PTPRD: variants seen among roughly 807,000 people sequenced by gnomAD.
The protein encoded by PTPRD is receptor-type tyrosine-protein phosphatase delta.
A neutral mutation model predicts 214.5 loss-of-function variants in PTPRD; 34 were observed. That is an observed-to-expected ratio of 0.16 (90% confidence interval 0.12 to 0.21). The LOEUF (loss-of-function observed/expected upper bound fraction) is 0.21, where lower values mean the gene tolerates loss of function less well. PTPRD is among the 10% of genes least tolerant of loss of function. PTPRD has a pLI of 1.00. For synonymous variants in PTPRD, 1,128 were observed against 845.7 expected (o/e 1.33, Z -5.79); for missense variants, 2,545 against 2,398.7 (o/e 1.06, Z -1.27).
intron 3 of PTPRD, among the ~76,000 whole-genome samples, chr9:10,075,059 T>A (rs1009446307): frequency 6.6e-6 from 1 of 152,130 alleles, no homozygotes; most frequent in Non-Finnish European, 1.5e-5. Context: ...GTGGATTTCA[T>A]GGAGTAATAA....
intron 35 of PTPRD, among the ~76,000 whole-genome samples, chr9:8,435,362 G>A (rs1018843626): frequency 5.9e-5 from 9 of 152,072 alleles, no homozygotes; most frequent in Admixed American, 1.3e-4. Flanking sequence ...TAGAATGTTA[G>A]CGCTGGTAGG....
intron 30 of PTPRD, among the ~76,000 whole-genome samples, chr9:8,481,108 C>T (rs917227284): frequency 1.4e-5 from 2 of 142,068 alleles, no homozygotes; most frequent in Non-Finnish European, 3.0e-5. Context: ...CCACTGCACG[C>T]CGGCCTGGGC....
At chr9:10,357,454 TA>T (rs1337852289) in intron 2 of PTPRD, among the ~76,000 whole-genome samples, 2 of 152,230 alleles carry the variant, frequency 1.3e-5, no homozygotes, top group African/African-American at 2.4e-5. Flanking sequence ...GCAAACTATT[TA>T]ACCTCTGTTC....
intron 9 of PTPRD, among the ~76,000 whole-genome samples, chr9:9,353,348 G>C (rs907976808): frequency 2.0e-5 from 3 of 151,766 alleles, no homozygotes; most frequent in African/African-American, 7.3e-5. Context: ...CAGAACTATT[G>C]AACTACAGAA....
chr9:8,792,671 G>T (rs1384697020), intron 11 of PTPRD, among the ~76,000 whole-genome samples: 2 of 152,058 alleles, frequency 1.3e-5, no homozygotes, highest in Non-Finnish European at 2.9e-5. Context: ...ATATCTCGAG[G>T]ATATATTTAA....
chr9:9,573,859 T>C (rs141808943), intron 8 of PTPRD, among the ~76,000 whole-genome samples: 1 of 151,942 alleles, frequency 6.6e-6, no homozygotes, highest in African/African-American at 2.4e-5. Context: ...ATGGCTGTTA[T>C]CTACGATCAT....
At chr9:10,090,005 A>C (rs146453167) in intron 3 of PTPRD, among the ~76,000 whole-genome samples, 1 of 151,738 alleles carries the variant, frequency 6.6e-6, no homozygotes, top group East Asian at 2.0e-4. Flanking sequence ...ATTCCAACAC[A>C]TGCAGAGAGT....
At chr9:8,636,898 T>G in intron 12 of PTPRD, 54 bp from the exon 13 acceptor site, 1 of 1,575,644 alleles carries the variant, frequency 6.3e-7, no homozygotes, top group South Asian at 1.1e-5. Flanking sequence ...TACAGACTAT[T>G]ATCCTACTAC....
chr9:10,014,371 A>G (rs2096659018), intron 4 of PTPRD, among the ~76,000 whole-genome samples: 1 of 151,990 alleles, frequency 6.6e-6, no homozygotes, highest in South Asian at 2.1e-4. Flanking sequence ...TGTTACATTT[A>G]CTTTTCACAT....
chr9:8,794,509 A>ATT (rs5896260), intron 11 of PTPRD, among the ~76,000 whole-genome samples: 3,057 of 131,644 alleles, frequency 0.023, 139 homozygotes, highest in African/African-American at 0.078. Context: ...CACAGAAGCC[A>ATT]TTTTTTTTTT....
rs1158665851 is a variant in PTPRD at position 10,285,713 on chromosome 9, C to G, written c.-545+55250G>C. Among the ~76,000 whole-genome samples, 3 of 151,052 alleles carry G rather than the reference C, an allele frequency of 2.0e-5. No homozygotes were observed. In the Admixed American group the frequency reaches 2.0e-4, roughly 10 times the overall value. ...GCAAGCTCCGCCTCCCAGGTTCACG[C>G]CATTCTCCTGCCTCAGCCTCCCGAG... is the stretch of plus-strand genomic sequence containing the variant. On this transcript the variant is annotated intron_variant, in intron 3 of 45. Coordinates refer to ENST00000381196, the MANE Select transcript of PTPRD (RefSeq NM_002839.4).
intron 2 of PTPRD, among the ~76,000 whole-genome samples, chr9:10,431,545 G>T (rs560053637): frequency 6.6e-6 from 1 of 151,556 alleles, no homozygotes; most frequent in South Asian, 2.1e-4. Context: ...ATCTGACAAA[G>T]GGCTAATATC....
chr9:10,430,398 G>A (rs558947652), intron 2 of PTPRD, among the ~76,000 whole-genome samples: 5 of 151,768 alleles, frequency 3.3e-5, no homozygotes, highest in African/African-American at 4.8e-5. Flanking sequence ...TACTTTACGC[G>A]TGTGAGTATG....
intron 9 of PTPRD, among the ~76,000 whole-genome samples, chr9:9,325,716 C>G (rs1969713379): frequency 6.6e-6 from 1 of 152,172 alleles, no homozygotes; most frequent in Non-Finnish European, 1.5e-5. Flanking sequence ...CTGGCCAGAA[C>G]TTCCAACACT....
intron 14 of PTPRD, among the ~76,000 whole-genome samples, chr9:8,570,247 C>T (rs1178715096): frequency 1.3e-5 from 2 of 152,108 alleles, no homozygotes. Flanking sequence ...ATACACTCCT[C>T]ATAATTTATT....
chr9:8,458,123 C>A (rs920972126), intron 33 of PTPRD, among the ~76,000 whole-genome samples: 3 of 152,096 alleles, frequency 2.0e-5, no homozygotes, highest in Admixed American at 2.0e-4. Context: ...CATTTCCCAA[C>A]AATTGCATTA....
chr9:10,463,402 T>A (rs1405292019), intron 2 of PTPRD, among the ~76,000 whole-genome samples: 1 of 152,050 alleles, frequency 6.6e-6, no homozygotes, highest in Non-Finnish European at 1.5e-5. Flanking sequence ...AAAAAGGAGA[T>A]GACAGATATT....
chr9:9,665,569 C>G (rs774496128), intron 7 of PTPRD, among the ~76,000 whole-genome samples: 11 of 151,672 alleles, frequency 7.3e-5, no homozygotes, highest in Non-Finnish European at 1.0e-4. Flanking sequence ...ATATCTTACT[C>G]AGAGTCCCCC....
intron 10 of PTPRD, among the ~76,000 whole-genome samples, chr9:9,052,174 G>A (rs149502255): frequency 6.6e-6 from 1 of 152,226 alleles, no homozygotes; most frequent in African/African-American, 2.4e-5. Flanking sequence ...ATGGCAGAAG[G>A]GGCAAGGGAG....
Sources: allele counts gnomAD v4.1 joint callset (sites outside exome capture counted in the v4.1 genomes callset), GRCh38; gene constraint gnomAD v4.1.1; transcripts MANE v1.5; gene names NCBI Gene and HGNC (gene_info 2026-07-23, HGNC 2026-07-21).